The following PDZRN4 variants were observed in gnomAD, a reference collection of about 807,000 sequenced individuals.
PDZRN4 encodes the protein PDZ domain-containing RING finger protein 4.
A neutral mutation model predicts 99.0 loss-of-function variants in PDZRN4; 70 were observed. That is an observed-to-expected ratio of 0.71 (90% CI 0.58 to 0.86). The LOEUF (loss-of-function observed/expected upper bound fraction) is 0.86. Ranked by LOEUF, PDZRN4 falls within the 40% of genes least tolerant of loss-of-function variation. The pLI is 0.00. For synonymous variants in PDZRN4, 551 were observed against 501.6 expected, an observed-to-expected ratio of 1.10 and a Z score of -1.32; for missense variants, 1,474 against 1,331.2, an observed-to-expected ratio of 1.11 and a Z score of -1.67.
chr12:41,200,660 T>A (rs1264091789), intron 3 of PDZRN4, among the ~76,000 whole-genome samples: 1 of 152,126 alleles, frequency 6.6e-6, no homozygotes, highest in Non-Finnish European at 1.5e-5. Context: ...TCGGAACACC[T>A]GTAACATTAT....
chr12:41,530,069 A>G (rs1938635435), intron 5 of PDZRN4, among the ~76,000 whole-genome samples: 1 of 152,206 alleles, frequency 6.6e-6, no homozygotes, highest in Non-Finnish European at 1.5e-5. Flanking sequence ...TTTATCTATT[A>G]TACTTTTAGA....
intron 3 of PDZRN4, among the ~76,000 whole-genome samples, chr12:41,500,656 C>T (rs976831641): frequency 2.6e-5 from 4 of 151,576 alleles, no homozygotes; most frequent in Non-Finnish European, 5.9e-5. Flanking sequence ...TATGTGACTT[C>T]TTTTTATTAT....
intron 3 of PDZRN4, among the ~76,000 whole-genome samples, chr12:41,224,503 A>T (rs534638106): frequency 6.6e-6 from 1 of 152,192 alleles, no homozygotes; most frequent in Non-Finnish European, 1.5e-5. Context: ...TTACAGGTTC[A>T]AATGGCTTTC....
At chr12:41,514,548 T>C (rs548367688) in intron 5 of PDZRN4, among the ~76,000 whole-genome samples, 22 of 152,246 alleles carry the variant, frequency 1.4e-4, no homozygotes, top group African/African-American at 5.3e-4. Context: ...TAGAGCTATA[T>C]GGATCTTAAG....
At chr12:41,545,821 T>C (rs1163829467) in intron 5 of PDZRN4, among the ~76,000 whole-genome samples, 1 of 151,414 alleles carries the variant, frequency 6.6e-6, no homozygotes, top group Non-Finnish European at 1.5e-5. Flanking sequence ...CTCCATGAAG[T>C]CTAGAACAAG....
intron 3 of PDZRN4, among the ~76,000 whole-genome samples, chr12:41,252,338 A>G (rs1309680492): frequency 6.6e-6 from 1 of 152,214 alleles, no homozygotes; most frequent in Admixed American, 6.5e-5. Flanking sequence ...TGTTCATACA[A>G]TGAAGTACTA....
chr12:41,402,783 T>C (rs1038934022), intron 3 of PDZRN4, among the ~76,000 whole-genome samples: 3 of 150,796 alleles, frequency 2.0e-5, no homozygotes, highest in Non-Finnish European at 2.9e-5. Flanking sequence ...CTGTTTTGTA[T>C]AAGAAAACAA....
At chr12:41,220,373 G>C (rs1950946731) in intron 3 of PDZRN4, among the ~76,000 whole-genome samples, 2 of 152,082 alleles carry the variant, frequency 1.3e-5, no homozygotes, top group South Asian at 4.1e-4. Context: ...AGATCACCCT[G>C]ATGGCCTCAC....
At chr12:41,478,295 T>C (rs905674117) in intron 3 of PDZRN4, among the ~76,000 whole-genome samples, 1 of 152,056 alleles carries the variant, frequency 6.6e-6, no homozygotes, top group African/African-American at 2.4e-5. Context: ...TTTGTATTTT[T>C]AGTAAAGACG....
intron 3 of PDZRN4, among the ~76,000 whole-genome samples, chr12:41,374,699 T>C (rs1032256957): frequency 2.6e-5 from 4 of 152,138 alleles, no homozygotes; most frequent in Non-Finnish European, 4.4e-5. Context: ...CTTAGGGAAG[T>C]TGGCTACCAT....
At chr12:41,452,557 A>C (rs919649846) in intron 3 of PDZRN4, among the ~76,000 whole-genome samples, 2 of 152,184 alleles carry the variant, frequency 1.3e-5, no homozygotes, top group Non-Finnish European at 2.9e-5. Context: ...CATGCATAGC[A>C]AATGGTACCC....
intron 5 of PDZRN4, among the ~76,000 whole-genome samples, chr12:41,523,453 A>G (rs1938524952): frequency 6.6e-6 from 1 of 152,158 alleles, no homozygotes; most frequent in African/African-American, 2.4e-5. Flanking sequence ...TAGTGAGCTC[A>G]GTGGAGTTCA....
intron 3 of PDZRN4, among the ~76,000 whole-genome samples, chr12:41,247,094 C>T (rs1951138217): frequency 1.3e-5 from 2 of 151,944 alleles, no homozygotes; most frequent in Non-Finnish European, 2.9e-5. Context: ...GACTATAATG[C>T]TGATGGAATC....
chr12:41,486,254 C>A (rs1187592863), intron 3 of PDZRN4, among the ~76,000 whole-genome samples: 2 of 151,994 alleles, frequency 1.3e-5, no homozygotes, highest in Non-Finnish European at 2.9e-5. Flanking sequence ...TTTGTTAAAT[C>A]CAATGTTTGA....
At chr12:41,514,696 C>A (rs1938369740) in intron 5 of PDZRN4, among the ~76,000 whole-genome samples, 1 of 152,058 alleles carries the variant, frequency 6.6e-6, no homozygotes, top group Admixed American at 6.6e-5. Flanking sequence ...ACTTCTGAGC[C>A]ACTCAGTCCC....
At chr12:41,452,449 A>AAAAAG (rs71081741) in intron 3 of PDZRN4, among the ~76,000 whole-genome samples, 67,609 of 140,590 alleles carry the variant, frequency 0.48, 16,849 homozygotes, top group African/African-American at 0.6. Context: ...AAAAAAAAAA[A>AAAAAG]AAAGAAAGAA....
At chr12:41,369,866 T>G (rs1388097750) in intron 3 of PDZRN4, among the ~76,000 whole-genome samples, 1 of 151,936 alleles carries the variant, frequency 6.6e-6, no homozygotes, top group African/African-American at 2.4e-5. Context: ...AATTCTTCTA[T>G]ACCAGATTAA....
chr12:41,450,397 A>G (rs1446879474), intron 3 of PDZRN4, among the ~76,000 whole-genome samples: 1 of 152,200 alleles, frequency 6.6e-6, no homozygotes, highest in Non-Finnish European at 1.5e-5. Flanking sequence ...TGCTTTTAAA[A>G]ATTCATTTTA....
At chr12:41,209,193 T>C (rs1950870676) in intron 3 of PDZRN4, among the ~76,000 whole-genome samples, 1 of 151,980 alleles carries the variant, frequency 6.6e-6, no homozygotes, top group African/African-American at 2.4e-5. Flanking sequence ...TTATTTTGAA[T>C]GGAAATGAGT....
Sources: allele counts gnomAD v4.1 joint callset (sites outside exome capture counted in the v4.1 genomes callset), GRCh38; gene constraint gnomAD v4.1.1; transcripts MANE v1.5; gene names NCBI Gene and HGNC (gene_info 2026-07-23, HGNC 2026-07-21).